The following PAX2 variants were observed in gnomAD, a reference collection of about 807,000 sequenced individuals.
PAX2 encodes the protein paired box 2, also known as paired box protein Pax-2.
Under a neutral mutation model 41.7 loss-of-function variants are expected in PAX2, and 9 were observed. The observed-to-expected ratio is 0.22, with a 90% CI of 0.13 to 0.38. The LOEUF (loss-of-function observed/expected upper bound fraction) is 0.38, where lower values mean the gene tolerates loss of function less well. PAX2 is among the 10% of genes least tolerant of loss of function. The pLI is 1.00. For synonymous variants in PAX2, 221 were observed against 212.7 expected (o/e 1.04, Z -0.34); for missense variants, 418 against 531.6 (o/e 0.79, Z 2.10).
chr10:100,755,577 G>A (rs188620164), intron 3 of PAX2, among the ~76,000 whole-genome samples: 1 of 152,260 alleles, frequency 6.6e-6, no homozygotes, highest in Admixed American at 6.5e-5. Flanking sequence ...TTATCGCTCA[G>A]GCTGCCTCCA....
chr10:100,759,771 A>G (rs1845770019), intron 3 of PAX2, among the ~76,000 whole-genome samples: 1 of 152,158 alleles, frequency 6.6e-6, no homozygotes, highest in Non-Finnish European at 1.5e-5. Context: ...GGACTGGGAG[A>G]GAGGGGAGCA....
upstream of PAX2, among the ~76,000 whole-genome samples, chr10:100,741,337 G>A (rs1268794991): frequency 1.3e-5 from 2 of 149,634 alleles, no homozygotes; most frequent in African/African-American, 2.5e-5. Context: ...AAAGAAAGTA[G>A]CTTTAGGGGG....
chr10:100,740,264 G>A (rs1844906336), intron 1 of PAX2, among the ~76,000 whole-genome samples: 1 of 152,188 alleles, frequency 6.6e-6, no homozygotes. Flanking sequence ...GGCTGTTGGT[G>A]GTGGTGGTTG....
upstream of PAX2, among the ~76,000 whole-genome samples, chr10:100,742,308 C>CGCTTG (rs1288702828): frequency 6.6e-6 from 1 of 151,792 alleles, no homozygotes; most frequent in African/African-American, 2.4e-5. Context: ...CCTGGAGTCG[C>CGCTTG]GCTTGGCTTG....
chr10:100,749,695 C>A, intron 1 of PAX2, 51 bp from the exon 2 acceptor site: 1 of 1,576,504 alleles, frequency 6.3e-7, no homozygotes, highest in Non-Finnish European at 8.6e-7. Context: ...TGACTAATGG[C>A]CGGTCCCTGC....
chr10:100,792,287 A>G (rs950532418), intron 5 of PAX2, among the ~76,000 whole-genome samples: 1 of 152,258 alleles, frequency 6.6e-6, no homozygotes, highest in Admixed American at 6.5e-5. Flanking sequence ...GCGTGTGTGC[A>G]CTAATAATGT....
rs75921208 is a variant in PAX2 at position 100,809,667 on chromosome 10, C to T, written c.919+431C>T. Among the ~76,000 whole-genome samples the T allele has an allele frequency of 6.6e-3, 1,008 of 152,326 alleles. 14 individuals are homozygous for T. The highest frequency in any genetic ancestry group is 0.023 in the African/African-American group (943 of 41,564). Reference sequence around the variant, plus strand: ...CAAGGCTCCTGGGGGACCCGCTTACCGCTCCCTCCAGGCAGCATGGGTGAT... The same window carrying T: ...CAAGGCTCCTGGGGGACCCGCTTACTGCTCCCTCCAGGCAGCATGGGTGAT... On this transcript the variant is annotated intron_variant, in intron 7 of 9. Transcript: ENST00000355243.
intron 5 of PAX2, among the ~76,000 whole-genome samples, chr10:100,805,361 C>T (rs1160388357): frequency 3.3e-5 from 5 of 152,174 alleles, no homozygotes; most frequent in Non-Finnish European, 7.3e-5. Context: ...TGGCCCCAGG[C>T]CCAAGGCTCC....
chr10:100,745,652 C>A lies in PAX2; in HGVS notation c.-609C>A. 1.5e-6 allele frequency: 1 copy of A among 661,374 alleles called. No homozygotes were observed. The highest frequency in any genetic ancestry group is 1.9e-6 in the Non-Finnish European group (1 of 523,944). 41.0% of individuals were successfully genotyped at this position (661,374 alleles called of 1,614,324 possible). A position where few individuals can be genotyped will look rare whatever the true frequency, so the allele number is the denominator to read the frequency against. On this transcript the variant is annotated 5_prime_UTR_variant, in exon 1 of 10. Transcript: ENST00000355243. ...GCCCAGAGCTGCCAGCGCCGCTCGG[C>A]TCCCTCCCTCCCTCCCGGCCCTTCG... is the stretch of plus-strand genomic sequence containing the variant.
intron 7 of PAX2, among the ~76,000 whole-genome samples, chr10:100,815,934 G>T (rs185376933): frequency 6.6e-6 from 1 of 152,342 alleles, no homozygotes; most frequent in Admixed American, 6.5e-5. Context: ...CGTAGGGAGG[G>T]TGACAAAGGT....
intron 3 of PAX2, among the ~76,000 whole-genome samples, chr10:100,769,663 AT>A (rs1846144108): frequency 6.7e-6 from 1 of 148,614 alleles, no homozygotes; most frequent in East Asian, 1.9e-4. Flanking sequence ...ATAAAATAAA[AT>A]AAAATAAAAA....
Position 100,829,182 on chromosome 10 carries a change from T to G in PAX2, c.*1563T>G, listed in dbSNP as rs989290053. 8.6e-6 allele frequency: 2 copies of G among 232,460 alleles called. No individual in the cohort carries two copies. Among genetic ancestry groups the G allele is most frequent in the Non-Finnish European group, 1.7e-5 (2 of 117,460 alleles). The allele number at this position is 232,460 out of a possible 1,614,324, so 14.4% of individuals were successfully genotyped here. ...CCTCTGGCCTGTTTTGTTGGCTCTT[T>G]CTCTGTAATTCCGTGTTTTCGCTTT... On this transcript the variant is annotated 3_prime_UTR_variant, in exon 10 of 10. Coordinates refer to ENST00000355243, the MANE Select transcript of PAX2 (RefSeq NM_000278.5).
rs1848656313 is a variant in PAX2, at chr10:100,828,213, G to C, written c.*594G>C. ...CAGCCGGACTGCCCTCGCCTTCCGG[G>C]TGTGCCCTGTCCCAGAAGATGGAAT... On this transcript the variant is annotated 3_prime_UTR_variant, in exon 10 of 10. Transcript: ENST00000355243. This position sits in a 1 kb window ranked among gnomAD's most constrained non-coding sequence, Gnocchi z 6.5. 4.3e-6 allele frequency: 1 copy of C among 233,372 alleles called. No homozygotes were observed. Among genetic ancestry groups the C allele is most frequent in the Non-Finnish European group, 8.4e-6 (1 of 118,436 alleles). The allele number at this position is 233,372 out of a possible 1,614,324, so 14.5% of individuals were successfully genotyped here. A position where few individuals can be genotyped will look rare whatever the true frequency, so the allele number is the denominator to read the frequency against.
chr10:100,826,245 TCTC>T lies in PAX2; in HGVS notation c.1022-760_1022-758del, dbSNP rs1848558568. 6.9e-6 allele frequency among the ~76,000 whole-genome samples: 1 copy of T among 145,380 alleles called. No homozygotes were observed. Among genetic ancestry groups the T allele is most frequent in the Admixed American group, 6.9e-5 (1 of 14,576 alleles). On this transcript the variant is annotated intron_variant, in intron 8 of 9. Transcript: ENST00000355243. This position sits in a 1 kb window ranked among gnomAD's most constrained non-coding sequence, Gnocchi z 5.5. ...AGCTCCCTCTCAGAGAGGGGCCCCT[TCTC>T]CTCTACTTAACCCGCGGTTAGGGAT...
chr10:100,744,181 G>C (rs1219566167), upstream of PAX2, among the ~76,000 whole-genome samples: 1 of 152,242 alleles, frequency 6.6e-6, no homozygotes. Context: ...CCAGAGGGAG[G>C]GGAGCGCGAG....
Position 100,745,912 on chromosome 10 carries a change from C to A in PAX2, c.-349C>A, listed in dbSNP as rs964852269. ...CAGGTTCCAGGGGAGCTGAGCGAGTCGCCTCCCCCGCCCAGCTTCAGCCCT... is the reference window on the plus strand; with the variant it reads ...CAGGTTCCAGGGGAGCTGAGCGAGTAGCCTCCCCCGCCCAGCTTCAGCCCT... On this transcript the variant is annotated 5_prime_UTR_variant, in exon 1 of 10. Coordinates refer to ENST00000355243, the MANE Select transcript of PAX2 (RefSeq NM_000278.5). The A allele has an allele frequency of 2.2e-4, 270 of 1,200,302 alleles. 1 individual carries two copies. In the African/African-American group the frequency reaches 3.8e-3, roughly 17 times the overall value. The allele number at this position is 1,200,302 out of a possible 1,614,324, so 74.4% of individuals were successfully genotyped here.
At position 100,827,620 on chromosome 10, in the gene PAX2, T is replaced by C. The variant is rs759627730; in HGVS notation, c.*1T>C. ...TGCCGCTGCCTATGACCGCCACTAG[T>C]TACCGCGGGGACCACATCAAGCTTC... On this transcript the variant is annotated 3_prime_UTR_variant, in exon 10 of 10. Coordinates refer to ENST00000355243, the MANE Select transcript of PAX2 (RefSeq NM_000278.5). This position sits in a 1 kb window ranked among gnomAD's most constrained non-coding sequence, Gnocchi z 8.5. 6.2e-6 allele frequency: 10 copies of C among 1,613,756 alleles called. No homozygotes were observed. Among genetic ancestry groups the C allele is most frequent in the Non-Finnish European group, 8.5e-6 (10 of 1,179,896 alleles).
intron 3 of PAX2, among the ~76,000 whole-genome samples, chr10:100,758,814 C>CT (rs1845733422): frequency 1.3e-5 from 2 of 152,260 alleles, no homozygotes; most frequent in African/African-American, 4.8e-5. Flanking sequence ...ATCTCTCTGC[C>CT]TTAGACCAGG....
chr10:100,808,941 C>G (rs534224649), intron 6 of PAX2, among the ~76,000 whole-genome samples, 169 bp from the exon 7 acceptor site: 3 of 152,312 alleles, frequency 2.0e-5, no homozygotes, highest in East Asian at 3.9e-4. Context: ...GTCTACTACC[C>G]GCACAAAACT....
Sources: allele counts gnomAD v4.1 joint callset (sites outside exome capture counted in the v4.1 genomes callset), GRCh38; gene constraint gnomAD v4.1.1; non-coding constraint Gnocchi (gnomAD v3.1); transcripts MANE v1.5; gene names NCBI Gene and HGNC (gene_info 2026-07-23, HGNC 2026-07-21).